ENTPD4: variants seen among roughly 807,000 people sequenced by gnomAD.
ENTPD4 encodes Golgi UDPase.
Under a neutral mutation model 79.1 loss-of-function variants are expected in ENTPD4, and 60 were observed. The observed-to-expected ratio is 0.76, with a 90% CI of 0.62 to 0.94. The LOEUF is 0.94. Ranked by LOEUF, ENTPD4 falls within the 40% of genes least tolerant of loss-of-function variation. The pLI is 0.00. For synonymous variants in ENTPD4, 276 were observed against 292.0 expected, an observed-to-expected ratio of 0.95 and a Z score of 0.56; for missense variants, 772 against 775.1, an observed-to-expected ratio of 1.00 and a Z score of 0.05.
In ENTPD4 at chr8:23,436,919, G is replaced by A. The variant is rs376416086; in HGVS notation, c.1374+15C>T. 3.5e-5 allele frequency: 54 copies of A among 1,558,240 alleles called. No homozygotes were observed. The East Asian group carries it at 6.3e-4, about 18-fold the overall frequency. Reference sequence around the variant, plus strand: ...CTCAAAAGCATGCAGAGCAGACGGCGTCTCTCAAGGGTACCTTTGCAGCTT... The same window carrying A: ...CTCAAAAGCATGCAGAGCAGACGGCATCTCTCAAGGGTACCTTTGCAGCTT... On this transcript the variant is annotated intron_variant, in intron 10 of 12. Coordinates refer to ENST00000358689, the MANE Select transcript of ENTPD4 (RefSeq NM_004901.5).
Position 23,433,724 on chromosome 8 carries a change from A to T in ENTPD4, c.1623-570T>A, listed in dbSNP as rs551089565. The stretch of plus-strand genomic sequence containing the variant: ...ACAACAAACTATCATTAGCGTTGGC[A>T]GCACCTGCAACTTTGTTACTAACGA... On this transcript the variant is annotated intron_variant, in intron 12 of 12. Coordinates refer to ENST00000358689, the MANE Select transcript of ENTPD4 (RefSeq NM_004901.5). Among the ~76,000 whole-genome samples the T allele has an allele frequency of 5.4e-4, 83 of 152,348 alleles. 1 individual carries two copies. Among genetic ancestry groups the T allele is most frequent in the Middle Eastern group, 3.4e-3 (1 of 294 alleles).
intron 8 of ENTPD4, 200 bp downstream of exon 8, chr8:23,441,369 C>G (rs185216670): frequency 1.0e-6 from 1 of 975,866 alleles, no homozygotes; most frequent in East Asian, 1.1e-4. Context: ...GAAAACAAAC[C>G]AGCTGATTTC....
intron 5 of ENTPD4, 100 bp downstream of exon 5, chr8:23,444,356 T>C (rs897927853): frequency 9.9e-7 from 1 of 1,005,050 alleles, no homozygotes; most frequent in African/African-American, 1.6e-5. Context: ...CTTTCAATGA[T>C]GATGATGATG....
chr8:23,452,123 G>A (rs981993747), intron 1 of ENTPD4, among the ~76,000 whole-genome samples: 1 of 152,236 alleles, frequency 6.6e-6, no homozygotes, highest in Admixed American at 6.5e-5. Flanking sequence ...ATGCAAGTGT[G>A]AGAATCCACC....
At chr8:23,445,574 C>CA (rs1348983784) in intron 4 of ENTPD4, among the ~76,000 whole-genome samples, 1 of 152,130 alleles carries the variant, frequency 6.6e-6, no homozygotes, top group Non-Finnish European at 1.5e-5. Flanking sequence ...TACCCCTTTT[C>CA]ACCTGGTTAA....
intron 8 of ENTPD4, 86 bp downstream of exon 8, chr8:23,441,483 T>C: frequency 3.8e-6 from 6 of 1,565,792 alleles, no homozygotes; most frequent in Non-Finnish European, 4.3e-6. Context: ...AAAGATGTGT[T>C]CAGACTCAGA....
In ENTPD4 at chr8:23,441,891, T is replaced by C. The variant is rs543691936; in HGVS notation, c.727+116A>G. Reference sequence around the variant, plus strand: ...TTACGTTCAACTGCAGCTGCTCTCATTCTACTCCTACACGCTTAGGAGTGT... The same window carrying C: ...TTACGTTCAACTGCAGCTGCTCTCACTCTACTCCTACACGCTTAGGAGTGT... On this transcript the variant is annotated intron_variant, in intron 7 of 12. Coordinates refer to ENST00000358689, the MANE Select transcript of ENTPD4 (RefSeq NM_004901.5). 113 of 1,144,636 alleles carry C rather than the reference T, an allele frequency of 9.9e-5. No homozygotes were observed. The African/African-American group carries it at 1.3e-3, about 13-fold the overall frequency. The allele number at this position is 1,144,636 out of a possible 1,614,324, so 70.9% of individuals were successfully genotyped here.
rs1181652214 is a variant in ENTPD4, at chr8:23,430,856, CT to C, written c.*2069del. The C allele has an allele frequency of 1.0e-3, 1,024 of 985,584 alleles. 10 individuals are homozygous for C. In the African/African-American group the frequency reaches 0.017, roughly 16 times the overall value. The allele number at this position is 985,584 out of a possible 1,614,324, so 61.1% of individuals were successfully genotyped here. ...TGCAGCCTCCACCAATAATCCATGG[CT>C]CCTCCAGGAAGTGTCGCAGGCAGGT... On this transcript the variant is annotated 3_prime_UTR_variant, in exon 13 of 13. Coordinates refer to ENST00000358689, the MANE Select transcript of ENTPD4 (RefSeq NM_004901.5).
In ENTPD4 at chr8:23,429,588, T is replaced by C. The variant is rs571376248; in HGVS notation, c.*3338A>G. ...TTTTAGTTTCTTGCTAAGTGATACA[T>C]GCTCCTTATAAGGAAAACTACTCTG... On this transcript the variant is annotated 3_prime_UTR_variant, in exon 13 of 13. Transcript: ENST00000358689. 8 of 985,334 alleles carry C rather than the reference T, an allele frequency of 8.1e-6. 1 individual carries two copies. The highest frequency in any genetic ancestry group is 1.0e-3 in the Middle Eastern group (2 of 1,936). The allele number at this position is 985,334 out of a possible 1,614,324, so 61.0% of individuals were successfully genotyped here.
At chr8:23,438,983 GTT>G (rs1390014007) in intron 9 of ENTPD4, among the ~76,000 whole-genome samples, 1 of 151,910 alleles carries the variant, frequency 6.6e-6, no homozygotes. Flanking sequence ...CCTCAAAATT[GTT>G]TCATCAAAAT....
chr8:23,449,050 C>G (rs1800813435), intron 2 of ENTPD4, 111 bp from the exon 3 acceptor site: 1 of 762,554 alleles, frequency 1.3e-6, no homozygotes, highest in Admixed American at 2.5e-5. Context: ...ATTTCCCTAA[C>G]TGTAGGTATC....
chr8:23,441,978 G>C (rs745892576), intron 7 of ENTPD4, 29 bp downstream of exon 7: 84 of 1,579,736 alleles, frequency 5.3e-5, no homozygotes, highest in Non-Finnish European at 7.3e-5. Flanking sequence ...TTTCCAACTA[G>C]ATACATTTGT....
At chr8:23,457,020 T>C (rs1003352252) in intron 1 of ENTPD4, among the ~76,000 whole-genome samples, 3 of 152,198 alleles carry the variant, frequency 2.0e-5, no homozygotes, top group Admixed American at 6.5e-5. Context: ...CATGAGAGAA[T>C]TGTTCCTTTA....
At position 23,437,241 on chromosome 8, in the gene ENTPD4, G is replaced by GTC. The variant is rs750946718; in HGVS notation, c.1065_1066dup (p.Thr356ArgfsTer4). 1.2e-6 allele frequency: 2 copies of GTC among 1,607,862 alleles called. No homozygotes were observed. Among genetic ancestry groups the GTC allele is most frequent in the Admixed American group, 3.4e-5 (2 of 59,246 alleles). On this transcript the variant is annotated frameshift_variant, in exon 10 of 13. Coordinates refer to ENST00000358689, the MANE Select transcript of ENTPD4 (RefSeq NM_004901.5). LOFTEE classifies it high-confidence loss of function. ...GTACGGCATATCAGGAGTCAGACCA[G>GTC]TCTGTTTACCCAGGAGCCTATGGCA...
In ENTPD4 at chr8:23,431,515, G is replaced by A. The variant is rs772581433; in HGVS notation, c.*1411C>T. On this transcript the variant is annotated 3_prime_UTR_variant, in exon 13 of 13. Coordinates refer to ENST00000358689, the MANE Select transcript of ENTPD4 (RefSeq NM_004901.5). ...TTTTTAGATTTTGGCTTAAATTGTC[G>A]AATTTTTTCCTTCAAAATGTGAATT... The A allele has an allele frequency of 6.1e-6, 6 of 985,308 alleles. No homozygotes were observed. In the East Asian group the frequency reaches 3.4e-4, roughly 56 times the overall value. 61.0% of individuals were successfully genotyped at this position (985,308 alleles called of 1,614,324 possible). A position where few individuals can be genotyped will look rare whatever the true frequency, so the allele number is the denominator to read the frequency against.
intron 9 of ENTPD4, among the ~76,000 whole-genome samples, chr8:23,439,437 G>C (rs1436579542): frequency 6.6e-6 from 1 of 152,132 alleles, no homozygotes; most frequent in Non-Finnish European, 1.5e-5. Flanking sequence ...CAAGGACTCT[G>C]AATCATGAAT....
intron 1 of ENTPD4, among the ~76,000 whole-genome samples, chr8:23,456,361 C>G (rs990234932): frequency 2.0e-5 from 3 of 152,212 alleles, no homozygotes; most frequent in African/African-American, 7.2e-5. Context: ...CAACATGTTT[C>G]TTTGTCAAGA....
intron 10 of ENTPD4, among the ~76,000 whole-genome samples, chr8:23,435,873 A>G (rs1800548156): frequency 6.6e-6 from 1 of 152,256 alleles, no homozygotes; most frequent in African/African-American, 2.4e-5. Flanking sequence ...TAATAACTGC[A>G]AAAGGTTTTT....
At position 23,443,782 on chromosome 8, in the gene ENTPD4, T is replaced by C. The variant is rs549646299; in HGVS notation, c.667+68A>G. 1.4e-4 allele frequency: 126 copies of C among 876,014 alleles called. No individual in the cohort carries two copies. In the African/African-American group the frequency reaches 1.6e-3, roughly 11 times the overall value. The allele number at this position is 876,014 out of a possible 1,614,324, so 54.3% of individuals were successfully genotyped here. A position where few individuals can be genotyped will look rare whatever the true frequency, so the allele number is the denominator to read the frequency against. ...CAATAGGAGTATAACAAAGGGTACA[T>C]TGGTGAAAATGGGGAGGATTTAAAG... On this transcript the variant is annotated intron_variant, in intron 6 of 12. Transcript: ENST00000358689.
Sources: allele counts gnomAD v4.1 joint callset (sites outside exome capture counted in the v4.1 genomes callset), GRCh38; gene constraint gnomAD v4.1.1; transcripts MANE v1.5; gene names NCBI Gene and HGNC (gene_info 2026-07-23, HGNC 2026-07-21).